The following TRPC4AP variants were observed in gnomAD, a reference collection of about 807,000 sequenced individuals.
The protein encoded by TRPC4AP is short transient receptor potential channel 4-associated protein.
A neutral mutation model predicts 99.0 loss-of-function variants in TRPC4AP; 45 were observed. The observed-to-expected ratio is 0.45, with a 90% CI of 0.36 to 0.58. The LOEUF is 0.58. TRPC4AP is among the 20% of genes least tolerant of loss of function. The probability of loss-of-function intolerance (pLI) is 0.00; values close to 1 mark genes in which losing one functional copy is unlikely to be tolerated. For synonymous variants in TRPC4AP, 408 were observed against 385.8 expected, an observed-to-expected ratio of 1.06 and a Z score of -0.67; for missense variants, 879 against 985.3, an observed-to-expected ratio of 0.89 and a Z score of 1.44.
chr20:35,067,125 T>C (rs1313910158), intron 3 of TRPC4AP, among the ~76,000 whole-genome samples: 1 of 152,238 alleles, frequency 6.6e-6, no homozygotes, highest in Non-Finnish European at 1.5e-5. Context: ...ATGGTCATCA[T>C]TGGCAATCAG....
At chr20:35,049,665 C>G (rs1186296468) in intron 6 of TRPC4AP, among the ~76,000 whole-genome samples, 1 of 152,132 alleles carries the variant, frequency 6.6e-6, no homozygotes, top group Non-Finnish European at 1.5e-5. Flanking sequence ...AGTTTGATTT[C>G]AATGTATGTC....
At position 35,007,443 on chromosome 20, in the gene TRPC4AP, G is replaced by A. The variant is rs1442443846; in HGVS notation, c.1686+107C>T. 12 of 1,182,098 alleles carry A rather than the reference G, an allele frequency of 1.0e-5. No individual in the cohort carries two copies. The East Asian group carries it at 1.7e-4, about 17-fold the overall frequency. The allele number at this position is 1,182,098 out of a possible 1,614,324, so 73.2% of individuals were successfully genotyped here. ...GCCTGCACAGGCATTTGGAAGTCAC[G>A]AGATCTGCTCTGCTCCTGATGAACT... On this transcript the variant is annotated intron_variant, in intron 14 of 18. Coordinates refer to ENST00000252015, the MANE Select transcript of TRPC4AP (RefSeq NM_015638.3).
intron 2 of TRPC4AP, among the ~76,000 whole-genome samples, chr20:35,071,402 G>C (rs6088699): frequency 6.6e-6 from 1 of 151,590 alleles, no homozygotes; most frequent in Non-Finnish European, 1.5e-5. Context: ...ATTTATATTA[G>C]GTATATCTCC....
chr20:35,008,163 A>G (rs1446283331), intron 13 of TRPC4AP, among the ~76,000 whole-genome samples: 1 of 152,220 alleles, frequency 6.6e-6, no homozygotes. Context: ...GTGGGCATGA[A>G]GCCTCCTGAC....
chr20:35,044,911 C>T (rs1236655535), intron 6 of TRPC4AP, among the ~76,000 whole-genome samples, 199 bp from the exon 7 acceptor site: 1 of 151,974 alleles, frequency 6.6e-6, no homozygotes, highest in Non-Finnish European at 1.5e-5. Context: ...ATCTGTAAAA[C>T]GGAACTAATC....
intron 1 of TRPC4AP, among the ~76,000 whole-genome samples, chr20:35,085,103 C>G (rs1028536340): frequency 1.3e-5 from 2 of 152,142 alleles, no homozygotes; most frequent in Non-Finnish European, 2.9e-5. Flanking sequence ...CTCCTGTTTC[C>G]TGGATCCTTC....
rs368271092 is a variant in TRPC4AP at position 35,003,410 on chromosome 20, G to A, written c.2256C>T (p.Asn752=). The change falls in exon 18 of 19, where the codon AAC becomes AAT. Residue 752 remains asparagine (N), a splice_region_variant and synonymous_variant. Transcript: ENST00000252015. ...HKDKDSTCLE[N]SSCISFSYWK... ...ACCCCCTTGAGGGTGGGGCACTCACGTTCTCTAGGCAGGTGCTGTCCTTGT... is the reference window on the plus strand; with the variant it reads ...ACCCCCTTGAGGGTGGGGCACTCACATTCTCTAGGCAGGTGCTGTCCTTGT... 181 of 1,614,018 alleles carry A rather than the reference G, an allele frequency of 1.1e-4. 1 individual carries two copies. The highest frequency in any genetic ancestry group is 6.8e-4 in the African/African-American group (51 of 75,034).
intron 1 of TRPC4AP, among the ~76,000 whole-genome samples, chr20:35,085,620 A>AAG (rs2084820291): frequency 1.3e-5 from 2 of 151,552 alleles, no homozygotes; most frequent in East Asian, 3.9e-4. Flanking sequence ...AAAAAAAAAA[A>AAG]AAAAAATCAT....
Position 35,069,188 on chromosome 20 carries a change from C to G in TRPC4AP, c.414+108G>C, listed in dbSNP as rs2084238915. The stretch of plus-strand genomic sequence containing the variant: ...CCGCTAAGCTTCTAAAAGTTAAAAT[C>G]TGAAATGTTATAAATTCTGAAATCT... On this transcript the variant is annotated intron_variant, in intron 3 of 18. Coordinates refer to ENST00000252015, the MANE Select transcript of TRPC4AP (RefSeq NM_015638.3). The G allele has an allele frequency of 4.4e-6, 3 of 680,586 alleles. No individual in the cohort carries two copies. In the African/African-American group the frequency reaches 5.4e-5, roughly 12 times the overall value. 42.2% of individuals were successfully genotyped at this position (680,586 alleles called of 1,614,324 possible). A position where few individuals can be genotyped will look rare whatever the true frequency, so the allele number is the denominator to read the frequency against.
At chr20:35,043,128 A>G (rs1334100206) in intron 7 of TRPC4AP, among the ~76,000 whole-genome samples, 1 of 152,084 alleles carries the variant, frequency 6.6e-6, no homozygotes. Flanking sequence ...AGAGATCTTC[A>G]TTTTTTCAAA....
At chr20:35,015,162 G>A (rs2082720814) in intron 10 of TRPC4AP, among the ~76,000 whole-genome samples, 1 of 152,046 alleles carries the variant, frequency 6.6e-6, no homozygotes, top group Admixed American at 6.6e-5. Context: ...CAACATGCCT[G>A]GCTAATTTTT....
At chr20:35,005,929 CAG>C (rs2082507070) in intron 15 of TRPC4AP, 126 bp from the exon 16 acceptor site, 1 of 761,814 alleles carries the variant, frequency 1.3e-6, no homozygotes, top group South Asian at 1.7e-5. Context: ...GATAGGAAGA[CAG>C]AGGCTCAGAT....
chr20:35,025,985 G>A (rs928263103), intron 8 of TRPC4AP, among the ~76,000 whole-genome samples: 5 of 151,970 alleles, frequency 3.3e-5, no homozygotes, highest in Non-Finnish European at 5.9e-5. Flanking sequence ...TCATTCTTTC[G>A]CATGTGGACA....
At chr20:35,039,812 C>A (rs1280704030) in intron 7 of TRPC4AP, among the ~76,000 whole-genome samples, 1 of 151,934 alleles carries the variant, frequency 6.6e-6, no homozygotes, top group Non-Finnish European at 1.5e-5. Context: ...ACTGGTAGTT[C>A]TGAGAATCTC....
intron 11 of TRPC4AP, among the ~76,000 whole-genome samples, chr20:35,011,728 C>T (rs1320952501): frequency 6.6e-6 from 1 of 152,204 alleles, no homozygotes; most frequent in Non-Finnish European, 1.5e-5. Context: ...GGTCTTCCCT[C>T]GTTCAGGGGC....
intron 2 of TRPC4AP, among the ~76,000 whole-genome samples, chr20:35,072,230 T>C (rs1167248538): frequency 1.3e-5 from 2 of 152,230 alleles, no homozygotes; most frequent in African/African-American, 4.8e-5. Flanking sequence ...ATTCCGTAGG[T>C]TGCCTGTTCA....
chr20:35,049,922 T>C lies in TRPC4AP; in HGVS notation c.601A>G (p.Lys201Glu). The C allele has an allele frequency of 1.2e-6, 2 of 1,614,196 alleles. No individual in the cohort carries two copies. Among genetic ancestry groups the C allele is most frequent in the Non-Finnish European group, 1.7e-6 (2 of 1,180,018 alleles). The change falls in exon 6 of 19, where the codon AAG (lysine) becomes GAG (glutamate). Residue 201 changes from lysine to glutamate, a missense_variant. Around this residue, in one of 3 missense-constraint regions of TRPC4AP, gnomAD observed 603 missense variants for 631.8 expected, o/e 0.95. Coordinates refer to ENST00000252015, the MANE Select transcript of TRPC4AP (RefSeq NM_015638.3). ...VIFLFTLMTS[K>E]KTFLQTATLI... is the part of the protein sequence containing the mutation. ...GTTGCTGTTTGTAAGAATGTCTTCT[T>C]ACTTGTCATCAATGTAAACAGGAAG...
At chr20:35,018,604 G>GAAAAAAAA (rs11479211) in intron 9 of TRPC4AP, among the ~76,000 whole-genome samples, 274 of 88,862 alleles carry the variant, frequency 3.1e-3, no homozygotes, top group Middle Eastern at 6.3e-3. Flanking sequence ...CTCAAAAAAA[G>GAAAAAAAA]AAAAAAAAAA....
chr20:35,080,013 TAAA>T (rs71196785), intron 1 of TRPC4AP, among the ~76,000 whole-genome samples: 2 of 93,844 alleles, frequency 2.1e-5, no homozygotes, highest in Non-Finnish European at 4.1e-5. Context: ...CAGAGCAAGA[TAAA>T]AAAAAAAAAA....
Sources: allele counts gnomAD v4.1 joint callset (sites outside exome capture counted in the v4.1 genomes callset), GRCh38; gene constraint gnomAD v4.1.1; regional missense constraint gnomAD v4.1.1; transcripts MANE v1.5; gene names NCBI Gene and HGNC (gene_info 2026-07-23, HGNC 2026-07-21).